Variants in C8orf34 observed in about 807,000 individuals in gnomAD.
C8orf34 encodes the protein chromosome 8 open reading frame 34, also known as uncharacterized protein C8orf34.
C8orf34 carries 65 observed loss-of-function variants against 68.3 expected under a neutral mutation model. The ratio of observed to expected loss-of-function variants is 0.95; its 90% confidence interval spans 0.78 to 1.17. The LOEUF is 1.17. Among genes scored for constraint, C8orf34 ranks in the 50% most tolerant of loss-of-function variants. C8orf34 has a pLI of 0.00. For missense variants in C8orf34, 664 were observed against 655.4 expected, an observed-to-expected ratio of 1.01 and a Z score of -0.14; for synonymous variants, 244 against 241.2, an observed-to-expected ratio of 1.01 and a Z score of -0.11.
At chr8:68,463,172 A>C (rs1372044924) in intron 3 of C8orf34, among the ~76,000 whole-genome samples, 1 of 151,190 alleles carries the variant, frequency 6.6e-6, no homozygotes. Flanking sequence ...CCTCTGCGCA[A>C]ATAAACTAGA....
intron 12 of C8orf34, among the ~76,000 whole-genome samples, chr8:68,796,796 CT>C (rs1350644856): frequency 3.4e-5 from 5 of 147,748 alleles, no homozygotes; most frequent in African/African-American, 1.2e-4. Context: ...ATTAGTTCAG[CT>C]TTTGAAAAAT....
Position 68,558,878 on chromosome 8 carries a change from C to T in C8orf34, c.1105+25729C>T, listed in dbSNP as rs536955942. Reference sequence around the variant, plus strand: ...GACAAGAAACAAAGAAGAAAAAAACCGAATACAAATCCATGTTGTATAAAC... The same window carrying T: ...GACAAGAAACAAAGAAGAAAAAAACTGAATACAAATCCATGTTGTATAAAC... On this transcript the variant is annotated intron_variant, in intron 7 of 13. Transcript: ENST00000518698. 4.3e-4 allele frequency among the ~76,000 whole-genome samples: 66 copies of T among 151,998 alleles called. No homozygotes were observed. In the South Asian group the frequency reaches 0.01, roughly 24 times the overall value.
chr8:68,464,510 G>T (rs975038734), intron 3 of C8orf34, among the ~76,000 whole-genome samples: 89 of 151,882 alleles, frequency 5.9e-4, no homozygotes, highest in Non-Finnish European at 1.1e-3. Context: ...TAAGCCAAAA[G>T]AACAAAGCTG....
At chr8:68,516,620 CTATTTATTTATT>C (rs200892538) in intron 5 of C8orf34, among the ~76,000 whole-genome samples, 225 of 150,168 alleles carry the variant, frequency 1.5e-3, no homozygotes, top group African/African-American at 5.0e-3. Context: ...ACTGGGAATG[CTATTTATTTATT>C]TATTTATTTA....
At chr8:68,389,599 G>A (rs1808398676) in intron 1 of C8orf34, among the ~76,000 whole-genome samples, 1 of 152,036 alleles carries the variant, frequency 6.6e-6, no homozygotes, top group Non-Finnish European at 1.5e-5. Flanking sequence ...GATTTAATTT[G>A]TAATTATCAT....
chr8:68,470,338 T>C (rs530969756), intron 4 of C8orf34, among the ~76,000 whole-genome samples: 1 of 152,220 alleles, frequency 6.6e-6, no homozygotes, highest in Admixed American at 6.5e-5. Flanking sequence ...GTCTGATCAT[T>C]GTAAAGATTT....
chr8:68,349,726 TTATC>T (rs1213425331), intron 1 of C8orf34, among the ~76,000 whole-genome samples: 1 of 151,972 alleles, frequency 6.6e-6, no homozygotes, highest in African/African-American at 2.4e-5. Flanking sequence ...GCCCAGAAAT[TTATC>T]TATCTCTTTT....
intron 9 of C8orf34, among the ~76,000 whole-genome samples, chr8:68,713,352 C>CAA (rs112161624): frequency 7.3e-5 from 11 of 150,720 alleles, no homozygotes; most frequent in Admixed American, 3.3e-4. Flanking sequence ...ACTGAAAGAA[C>CAA]AAAAAAAATA....
intron 8 of C8orf34, among the ~76,000 whole-genome samples, chr8:68,648,375 AT>A (rs1479906481): frequency 3.3e-5 from 5 of 152,188 alleles, no homozygotes; most frequent in Admixed American, 3.3e-4. Flanking sequence ...AATGTCTTGA[AT>A]TTTGTTTTAA....
intron 5 of C8orf34, among the ~76,000 whole-genome samples, chr8:68,495,006 G>A (rs536814683): frequency 6.6e-5 from 10 of 151,564 alleles, no homozygotes; most frequent in Admixed American, 2.0e-4. Flanking sequence ...TTAGAATAGT[G>A]TCTACTGACC....
chr8:68,808,525 C>T (rs144020414), intron 12 of C8orf34, among the ~76,000 whole-genome samples: 3,594 of 151,286 alleles, frequency 0.024, 51 homozygotes, highest in Non-Finnish European at 0.034. Context: ...TTTGCATCTG[C>T]AGATTCAACC....
At chr8:68,543,036 A>G (rs1815752724) in intron 7 of C8orf34, among the ~76,000 whole-genome samples, 1 of 152,276 alleles carries the variant, frequency 6.6e-6, no homozygotes, top group East Asian at 1.9e-4. Flanking sequence ...ATAAACAAAG[A>G]AAACCAAGTG....
chr8:68,468,225 G>A (rs1461648998), intron 3 of C8orf34, among the ~76,000 whole-genome samples: 1 of 151,770 alleles, frequency 6.6e-6, no homozygotes. Flanking sequence ...AATTCTTTGA[G>A]GAAAAAAATC....
intron 7 of C8orf34, among the ~76,000 whole-genome samples, chr8:68,577,916 TGAA>T (rs1235349063): frequency 2.0e-5 from 3 of 151,904 alleles, no homozygotes; most frequent in Non-Finnish European, 4.4e-5. Context: ...TGCTGAAATG[TGAA>T]CAGTGGCTCT....
chr8:68,716,377 A>G (rs1046079310), intron 9 of C8orf34, among the ~76,000 whole-genome samples: 1 of 152,200 alleles, frequency 6.6e-6, no homozygotes, highest in African/African-American at 2.4e-5. Flanking sequence ...CATATTTGCA[A>G]TGTAATTGCC....
At chr8:68,589,612 G>A (rs62645361) in intron 7 of C8orf34, among the ~76,000 whole-genome samples, 12 of 85,150 alleles carry the variant, frequency 1.4e-4, no homozygotes, top group Non-Finnish European at 2.3e-4. Context: ...AAAGAAAGAA[G>A]GAGAGAAGAA....
intron 7 of C8orf34, among the ~76,000 whole-genome samples, chr8:68,564,206 A>T (rs2130196273): frequency 6.6e-6 from 1 of 152,304 alleles, no homozygotes; most frequent in African/African-American, 2.4e-5. Flanking sequence ...CAAAACCTCC[A>T]GTTTTTGTAA....
chr8:68,759,867 T>G (rs1201874372), intron 10 of C8orf34, among the ~76,000 whole-genome samples: 4 of 152,214 alleles, frequency 2.6e-5, no homozygotes, highest in Non-Finnish European at 4.4e-5. Flanking sequence ...AAACATCTAT[T>G]AAGCATTTTC....
chr8:68,448,772 AT>A (rs1324766971), intron 3 of C8orf34, among the ~76,000 whole-genome samples: 3 of 152,098 alleles, frequency 2.0e-5, no homozygotes, highest in Non-Finnish European at 2.9e-5. Flanking sequence ...AAGAGTATAG[AT>A]TTTTTAAAAT....
Sources: allele counts gnomAD v4.1 joint callset (sites outside exome capture counted in the v4.1 genomes callset), GRCh38; gene constraint gnomAD v4.1.1; transcripts MANE v1.5; gene names NCBI Gene and HGNC (gene_info 2026-07-23, HGNC 2026-07-21).